SLC2A11: variants seen among roughly 807,000 people sequenced by gnomAD.
The protein encoded by SLC2A11 is solute carrier family 2, facilitated glucose transporter member 11.
Under a neutral mutation model 52.1 loss-of-function variants are expected in SLC2A11, and 43 were observed. The ratio of observed to expected loss-of-function variants is 0.82; its 90% CI spans 0.65 to 1.06. The LOEUF (loss-of-function observed/expected upper bound fraction) is 1.06, where lower values mean the gene tolerates loss of function less well. Among genes scored for constraint, SLC2A11 ranks in the 50% least tolerant of loss-of-function variants. The pLI, the probability that SLC2A11 is intolerant of heterozygous loss-of-function variation, is 0.00. For missense variants in SLC2A11, 582 were observed against 654.2 expected (o/e 0.89, Z 1.20); for synonymous variants, 261 against 277.6 (o/e 0.94, Z 0.59).
chr22:23,869,780 G>T (rs1032320861), intron 3 of SLC2A11: 4 of 526,756 alleles, frequency 7.6e-6, no homozygotes, highest in African/African-American at 2.0e-5. Context: ...CAAGATCAAG[G>T]CACCCAGCAG....
At chr22:23,882,327 C>T (rs899715333) in intron 6 of SLC2A11, 132 bp from the exon 7 acceptor site, 2 of 776,088 alleles carry the variant, frequency 2.6e-6, no homozygotes, top group African/African-American at 1.7e-5. Context: ...GACACACACA[C>T]ACACAGACAG....
chr22:23,868,524 G>A lies in SLC2A11; in HGVS notation c.173G>A (p.Gly58Glu). The change falls in exon 3 of 12, where the codon GGA (glycine) becomes GAA (glutamate). Residue 58 changes from glycine to glutamate, a missense_variant. Gly to Glu is a moderately conservative substitution (Grantham distance 98). Coordinates refer to ENST00000316185, the MANE Select transcript of SLC2A11 (RefSeq NM_001024939.4). ...AATGAGACATGGCAGGCGCGTACTG[G>A]AGAGCCACTGCCCGATCACCTAGTC... The part of the protein sequence containing the change: ...FTNETWQART[G>E]EPLPDHLVLL... The A allele has an allele frequency of 6.2e-7, 1 of 1,614,256 alleles. No individual in the cohort carries two copies. Among genetic ancestry groups the A allele is most frequent in the Non-Finnish European group, 8.5e-7 (1 of 1,180,052 alleles).
chr22:23,869,819 C>T, intron 3 of SLC2A11: 1 of 580,940 alleles, frequency 1.7e-6, no homozygotes, highest in Non-Finnish European at 3.1e-6. Flanking sequence ...GCTACTCTTT[C>T]TGCTTCCAAG....
chr22:23,860,832 C>T (rs2032028282), intron 1 of SLC2A11, among the ~76,000 whole-genome samples: 1 of 142,122 alleles, frequency 7.0e-6, no homozygotes, highest in South Asian at 2.2e-4. Flanking sequence ...CAGACGCCTG[C>T]CAACACGCCC....
rs17550723 is a variant in SLC2A11, at chr22:23,857,924, T to A, written c.-76T>A. 35,346 of 1,588,694 alleles carry A rather than the reference T, an allele frequency of 0.022. 531 individuals carry two copies. The highest frequency in any genetic ancestry group is 0.063 in the Middle Eastern group (278 of 4,412). ...GCTGCCCTTCCCTCCGCGCACAGGCTGCCGGCTCACCGCTTGCTAATGGCA... is the reference window on the plus strand; with the variant it reads ...GCTGCCCTTCCCTCCGCGCACAGGCAGCCGGCTCACCGCTTGCTAATGGCA... On this transcript the variant is annotated 5_prime_UTR_variant, in exon 1 of 12. Transcript: ENST00000316185.
chr22:23,860,626 C>G (rs983432407), intron 1 of SLC2A11, among the ~76,000 whole-genome samples: 1 of 150,674 alleles, frequency 6.6e-6, no homozygotes, highest in East Asian at 2.0e-4. Flanking sequence ...CCCAGCTACT[C>G]GGGAGGCTGA....
upstream of SLC2A11, chr22:23,857,626 C>T: frequency 9.9e-6 from 11 of 1,109,262 alleles, no homozygotes; most frequent in South Asian, 6.6e-5. Context: ...GGGCGAACTC[C>T]CCAGCACCCC....
chr22:23,883,910 G>T (rs781084523), intron 9 of SLC2A11, 37 bp downstream of exon 9: 1 of 1,610,426 alleles, frequency 6.2e-7, no homozygotes, highest in East Asian at 2.2e-5. Context: ...GGTCCAGGCC[G>T]GGCTGACTTC....
intron 2 of SLC2A11, chr22:23,868,195 A>G (rs142475840): frequency 6.9e-4 from 329 of 477,112 alleles, no homozygotes; most frequent in East Asian, 6.0e-3. Context: ...TGTCAGGAGT[A>G]TTGTGTGAGT....
intron 3 of SLC2A11, among the ~76,000 whole-genome samples, chr22:23,873,774 G>A (rs1052392466): frequency 2.0e-5 from 3 of 152,172 alleles, no homozygotes; most frequent in African/African-American, 4.8e-5. Context: ...TGAGGAAAAT[G>A]TATATTATTG....
At chr22:23,857,071 T>TGGGGGGG, upstream of SLC2A11, 1 of 301,258 alleles carries the variant, frequency 3.3e-6, no homozygotes, top group Non-Finnish European at 5.5e-6. Flanking sequence ...AGTGTGTGTG[T>TGGGGGGG]GTGGGGGGGG....
upstream of SLC2A11, chr22:23,857,354 C>CAA: frequency 6.9e-7 from 1 of 1,452,280 alleles, no homozygotes; most frequent in Non-Finnish European, 9.5e-7. Context: ...CTTGCTGGCA[C>CAA]TTGCGAGGGC....
In SLC2A11 at chr22:23,877,132, C is replaced by T. The variant is rs376689898; in HGVS notation, c.506C>T (p.Thr169Met). The T allele has an allele frequency of 2.5e-5, 41 of 1,613,562 alleles. No homozygotes were observed. The highest frequency in any genetic ancestry group is 3.1e-5 in the Non-Finnish European group (37 of 1,179,810). Residue 169 changes from threonine to methionine, a missense_variant, in exon 5 of 12, where the codon ACG becomes ATG. By Grantham distance (81) the Thr-to-Met change is moderately conservative. Transcript: ENST00000316185. ...GTGGCCATGAGCTCAGCCATCTTTA[C>T]GGCTCTGGGGATCGTGATGGGACAG... ...GAVAMSSAIF[T>M]ALGIVMGQVV...
chr22:23,868,716 AGAAG>A, intron 3 of SLC2A11, 75 bp downstream of exon 3: 1 of 1,561,430 alleles, frequency 6.4e-7, no homozygotes. Context: ...GGAATGTGGA[AGAAG>A]GAAGAGGCCC....
rs1279984082 is a variant in SLC2A11, at chr22:23,875,352, A to G, written c.415+111A>G. The stretch of plus-strand genomic sequence containing the variant: ...ATTTCCTCCCTTTATTCATTCATTT[A>G]TTTTTTATTTATGCCTACCTTTGTC... On this transcript the variant is annotated intron_variant, in intron 4 of 11. Transcript: ENST00000316185. The G allele has an allele frequency of 1.0e-5, 12 of 1,199,216 alleles. No individual in the cohort carries two copies. The East Asian group carries it at 3.4e-4, about 34-fold the overall frequency. The allele number at this position is 1,199,216 out of a possible 1,614,324, so 74.3% of individuals were successfully genotyped here.
At chr22:23,865,902 A>G (rs992752036) in intron 2 of SLC2A11, 1 of 152,388 alleles carries the variant, frequency 6.6e-6, no homozygotes, top group African/African-American at 2.4e-5. Flanking sequence ...GCAGTGGTCC[A>G]TGCTTCTAAT....
At chr22:23,870,372 G>A (rs1365486692) in intron 3 of SLC2A11, 1 of 290,220 alleles carries the variant, frequency 3.4e-6, no homozygotes, top group Non-Finnish European at 6.4e-6. Context: ...GCTGACTGGA[G>A]CTCTGAAATG....
chr22:23,884,948 G>A lies in SLC2A11; in HGVS notation c.*99G>A. The stretch of plus-strand genomic sequence containing the variant: ...CTCCCTCCTGCATTCCTCATTTAAG[G>A]AGTGTTTATTGAGCACCCTTTGTGT... On this transcript the variant is annotated 3_prime_UTR_variant, in exon 12 of 12. Coordinates refer to ENST00000316185, the MANE Select transcript of SLC2A11 (RefSeq NM_001024939.4). The surrounding 1 kb of genome is among the most constrained non-coding windows in gnomAD (Gnocchi z 4.3). The A allele has an allele frequency of 9.9e-7, 1 of 1,015,072 alleles. No homozygotes were observed. Among genetic ancestry groups the A allele is most frequent in the Non-Finnish European group, 1.5e-6 (1 of 688,286 alleles). 62.9% of individuals were successfully genotyped at this position (1,015,072 alleles called of 1,614,324 possible).
At chr22:23,870,235 G>A (rs2032407846) in intron 3 of SLC2A11, 3 of 552,640 alleles carry the variant, frequency 5.4e-6, no homozygotes, top group Non-Finnish European at 6.4e-6. Flanking sequence ...CATGATACCT[G>A]GTACAGTTGG....
Sources: allele counts gnomAD v4.1 joint callset (sites outside exome capture counted in the v4.1 genomes callset), GRCh38; gene constraint gnomAD v4.1.1; non-coding constraint Gnocchi (gnomAD v3.1); transcripts MANE v1.5; gene names NCBI Gene and HGNC (gene_info 2026-07-23, HGNC 2026-07-21).